Variants in RAD51B observed in about 807,000 individuals in gnomAD.
RAD51B encodes the protein RAD51 paralog B, also known as DNA repair protein RAD51 homolog 2.
In RAD51B, 38 loss-of-function variants were observed where a neutral mutation model predicts 42.2. That is an observed-to-expected ratio of 0.90 (90% CI 0.70 to 1.18). RAD51B has a LOEUF of 1.18. Ranked by LOEUF, RAD51B falls within the 50% of genes most tolerant of loss-of-function variation. The pLI is 0.00. For missense variants in RAD51B, 373 were observed against 400.7 expected, an observed-to-expected ratio of 0.93 and a Z score of 0.59; for synonymous variants, 154 against 145.2, an observed-to-expected ratio of 1.06 and a Z score of -0.43.
intron 5 of RAD51B, among the ~76,000 whole-genome samples, chr14:67,869,889 A>C (rs1478996421): frequency 6.6e-6 from 1 of 152,118 alleles, no homozygotes; most frequent in East Asian, 1.9e-4. Context: ...AAATGCTGAG[A>C]GATTTTGTCA....
intron 8 of RAD51B, among the ~76,000 whole-genome samples, chr14:68,376,749 G>A (rs949403250): frequency 6.6e-6 from 1 of 152,204 alleles, no homozygotes; most frequent in African/African-American, 2.4e-5. Flanking sequence ...AAAGTTGCTT[G>A]ATAAATCAGT....
intron 7 of RAD51B, among the ~76,000 whole-genome samples, chr14:68,196,058 G>C (rs1362560112): frequency 6.6e-6 from 1 of 151,664 alleles, no homozygotes; most frequent in Non-Finnish European, 1.5e-5. Context: ...AAAAAGATTA[G>C]CTGGGCGTGG....
intron 7 of RAD51B, among the ~76,000 whole-genome samples, chr14:68,101,285 C>T (rs2077284790): frequency 6.6e-6 from 1 of 152,182 alleles, no homozygotes; most frequent in South Asian, 2.1e-4. Context: ...TGCCCTCATA[C>T]TTCAAAACAT....
At chr14:68,096,044 A>G (rs914094267) in intron 7 of RAD51B, among the ~76,000 whole-genome samples, 18 of 152,052 alleles carry the variant, frequency 1.2e-4, no homozygotes, top group African/African-American at 3.9e-4. Context: ...CCATAGAGTA[A>G]TAAGTAGCAG....
At chr14:68,437,127 C>T (rs2085165703) in intron 9 of RAD51B, among the ~76,000 whole-genome samples, 2 of 152,104 alleles carry the variant, frequency 1.3e-5, no homozygotes, top group Non-Finnish European at 2.9e-5. Flanking sequence ...AACTTTTGCC[C>T]ATTCAGTATG....
At chr14:68,104,178 A>G (rs558367216) in intron 7 of RAD51B, among the ~76,000 whole-genome samples, 1 of 152,276 alleles carries the variant, frequency 6.6e-6, no homozygotes, top group African/African-American at 2.4e-5. Context: ...AAGTTTTAGT[A>G]TTTAGTGCCA....
intron 7 of RAD51B, among the ~76,000 whole-genome samples, chr14:68,137,225 G>C (rs528466776): frequency 4.6e-4 from 70 of 152,138 alleles, no homozygotes; most frequent in Non-Finnish European, 8.7e-4. Context: ...GCAGTGAGCC[G>C]AGACCACGCC....
chr14:68,008,026 G>A (rs2075620197), intron 7 of RAD51B, among the ~76,000 whole-genome samples: 1 of 151,678 alleles, frequency 6.6e-6, no homozygotes, highest in African/African-American at 2.4e-5. Flanking sequence ...GAAACTCTCA[G>A]GTAACATAGG....
intron 4 of RAD51B, among the ~76,000 whole-genome samples, chr14:67,840,153 G>A (rs1029047035): frequency 1.3e-5 from 2 of 152,064 alleles, no homozygotes; most frequent in African/African-American, 4.8e-5. Context: ...TTAGGTTCAG[G>A]GGGTATATGT....
chr14:67,884,914 G>C lies in RAD51B; in HGVS notation c.453-955G>C, dbSNP rs34416161. On this transcript the variant is annotated intron_variant, in intron 5 of 10. Transcript: ENST00000471583. ...AAATGTAAGGACTTGTTTTGGTTAT[G>C]TTTTTAAAGTTCCCAGCTTCTTCTC... 8.9e-3 allele frequency among the ~76,000 whole-genome samples: 1,361 copies of C among 152,136 alleles called. 21 individuals carry two copies. Among genetic ancestry groups the C allele is most frequent in the African/African-American group, 0.031 (1,282 of 41,512 alleles).
chr14:68,338,748 A>C, intron 8 of RAD51B: 1 of 440,896 alleles, frequency 2.3e-6, no homozygotes, highest in Non-Finnish European at 4.3e-6. Context: ...TCAGTGGCAA[A>C]GTTCTTTAAC....
At chr14:68,349,477 C>T (rs929010954) in intron 8 of RAD51B, among the ~76,000 whole-genome samples, 1 of 152,186 alleles carries the variant, frequency 6.6e-6, no homozygotes, top group African/African-American at 2.4e-5. Context: ...AGCAATTCTT[C>T]TGCCTCACCC....
At chr14:67,986,787 A>G (rs1386230300) in intron 7 of RAD51B, among the ~76,000 whole-genome samples, 1 of 152,202 alleles carries the variant, frequency 6.6e-6, no homozygotes, top group African/African-American at 2.4e-5. Flanking sequence ...GCTGGAGTTC[A>G]GTGGCGTGAT....
chr14:68,255,050 A>G (rs1443644450), intron 7 of RAD51B, among the ~76,000 whole-genome samples: 1 of 150,030 alleles, frequency 6.7e-6, no homozygotes, highest in African/African-American at 2.5e-5. Flanking sequence ...CCTCTTTTTC[A>G]CTTAGTATTT....
At chr14:68,331,440 A>C (rs1042628426) in intron 8 of RAD51B, among the ~76,000 whole-genome samples, 1 of 149,276 alleles carries the variant, frequency 6.7e-6, no homozygotes, top group African/African-American at 2.5e-5. Context: ...TTTAAAACTT[A>C]AAGTTTAAAA....
At chr14:68,674,158 T>C (rs1314090157) in intron 11 of RAD51B, among the ~76,000 whole-genome samples, 3 of 147,888 alleles carry the variant, frequency 2.0e-5, no homozygotes. Flanking sequence ...TGTACACACA[T>C]ATATACACAC....
chr14:68,080,815 C>G (rs950586408), intron 7 of RAD51B, among the ~76,000 whole-genome samples: 1 of 152,136 alleles, frequency 6.6e-6, no homozygotes, highest in African/African-American at 2.4e-5. Context: ...GTTTAGTAGT[C>G]AATATCTGGG....
intron 7 of RAD51B, among the ~76,000 whole-genome samples, chr14:67,902,190 A>G (rs763942012): frequency 3.3e-5 from 5 of 152,152 alleles, no homozygotes; most frequent in Non-Finnish European, 5.9e-5. Context: ...GCTACCTCAT[A>G]AGGCTTAATA....
At chr14:68,158,307 A>AC in intron 7 of RAD51B, among the ~76,000 whole-genome samples, 1 of 152,226 alleles carries the variant, frequency 6.6e-6, no homozygotes, top group Admixed American at 6.5e-5. Flanking sequence ...GGCACTATGG[A>AC]CTGGACCCAA....
Sources: gnomAD v4.1 joint callset for allele counts (sites outside exome capture counted in the v4.1 genomes callset) on GRCh38, gnomAD v4.1.1 for gene constraint, MANE v1.5 for transcripts, NCBI Gene and HGNC (gene_info 2026-07-23, HGNC 2026-07-21) for gene names.